RPTOR: variants seen among roughly 807,000 people sequenced by gnomAD.
The protein encoded by RPTOR is regulatory associated protein of MTOR complex 1.
Under a neutral mutation model 169.9 loss-of-function variants are expected in RPTOR, and 21 were observed. That is an observed-to-expected ratio of 0.12 (90% CI 0.09 to 0.18). The LOEUF (loss-of-function observed/expected upper bound fraction) is 0.18, where lower values mean the gene tolerates loss of function less well. Among genes scored for constraint, RPTOR ranks in the 10% least tolerant of loss-of-function variants. The pLI, the probability that RPTOR is intolerant of heterozygous loss-of-function variation, is 1.00. For synonymous variants in RPTOR, 732 were observed against 753.2 expected, an observed-to-expected ratio of 0.97 and a Z score of 0.46; for missense variants, 1,133 against 1,855.9, an observed-to-expected ratio of 0.61 and a Z score of 7.16.
chr17:80,922,955 T>G, intron 22 of RPTOR, 128 bp downstream of exon 22: 1 of 746,408 alleles, frequency 1.3e-6, no homozygotes, highest in Non-Finnish European at 2.2e-6. Context: ...TCCTCCCCCC[T>G]CTCCAGCGGG....
chr17:80,857,933 G>A, intron 13 of RPTOR, 33 bp downstream of exon 13: 1 of 1,542,398 alleles, frequency 6.5e-7, no homozygotes, highest in Non-Finnish European at 9.0e-7. Flanking sequence ...CCAGAGTGAT[G>A]TGAACCTGCC....
chr17:80,960,371 C>A lies in RPTOR; in HGVS notation c.3605+166C>A, dbSNP rs575283667. Among the ~76,000 whole-genome samples the A allele has an allele frequency of 5.3e-5, 8 of 152,238 alleles. No homozygotes were observed. The highest frequency in any genetic ancestry group is 1.2e-4 in the Non-Finnish European group (8 of 68,034). On this transcript the variant is annotated intron_variant, in intron 30 of 33. Coordinates refer to ENST00000306801, the MANE Select transcript of RPTOR (RefSeq NM_020761.3). The surrounding 1 kb of genome is among the most constrained non-coding windows in gnomAD (Gnocchi z 4.8). ...AGGCCAGTCCTGGGCTCCCCAAAGC[C>A]GCCAGGCCCGTCCCACTGAGGCCCA...
chr17:80,727,268 G>T (rs1472955635), intron 4 of RPTOR, among the ~76,000 whole-genome samples: 1 of 147,846 alleles, frequency 6.8e-6, no homozygotes, highest in Non-Finnish European at 1.5e-5. Context: ...ACCACATCAT[G>T]CTCCGAGAAC....
At chr17:80,917,835 G>T (rs56258921) in intron 21 of RPTOR, among the ~76,000 whole-genome samples, 144 of 152,130 alleles carry the variant, frequency 9.5e-4, no homozygotes, top group African/African-American at 3.4e-3. Flanking sequence ...TGAGCTCTAC[G>T]TCCAGCCCCT....
chr17:80,961,318 G>A, intron 30 of RPTOR, 76 bp from the exon 31 acceptor site: 11 of 1,393,832 alleles, frequency 7.9e-6, no homozygotes, highest in Non-Finnish European at 9.7e-6. Flanking sequence ...GACCTGGGCA[G>A]CTCCCGGTGA....
intron 3 of RPTOR, among the ~76,000 whole-genome samples, chr17:80,696,652 G>A (rs1444871227): frequency 6.6e-6 from 1 of 152,210 alleles, no homozygotes; most frequent in Non-Finnish European, 1.5e-5. Flanking sequence ...GGCGCAGAAG[G>A]GACACAGGAA....
chr17:80,613,297 C>G (rs760195614), intron 1 of RPTOR, among the ~76,000 whole-genome samples: 2 of 152,180 alleles, frequency 1.3e-5, no homozygotes, highest in African/African-American at 2.4e-5. Flanking sequence ...CTAAGTCTTT[C>G]CTGGGAGATC....
intron 4 of RPTOR, among the ~76,000 whole-genome samples, chr17:80,729,753 G>C (rs76591660): frequency 0.014 from 2,194 of 152,296 alleles, 54 homozygotes; most frequent in African/African-American, 0.051. Flanking sequence ...AATGATGTGT[G>C]TGTTGTGTTA....
intron 7 of RPTOR, among the ~76,000 whole-genome samples, chr17:80,814,657 G>T (rs1354251890): frequency 6.6e-6 from 1 of 152,174 alleles, no homozygotes; most frequent in East Asian, 1.9e-4. Flanking sequence ...CACCTGTTCT[G>T]TATTCAACGT....
chr17:80,597,656 A>G (rs990994840), intron 1 of RPTOR, among the ~76,000 whole-genome samples: 8 of 138,936 alleles, frequency 5.8e-5, no homozygotes, highest in African/African-American at 8.0e-5. Context: ...AACTACAGGC[A>G]TGTACCTTCA....
At chr17:80,924,683 A>T (rs1169414093) in intron 23 of RPTOR, among the ~76,000 whole-genome samples, 1 of 151,526 alleles carries the variant, frequency 6.6e-6, no homozygotes, top group African/African-American at 2.4e-5. Flanking sequence ...GGGGGGATGC[A>T]CCTCTCACTG....
rs1451920349 is a variant in RPTOR, at chr17:80,959,575, C to T, written c.3478-503C>T. Among the ~76,000 whole-genome samples, 2 of 152,212 alleles carry T rather than the reference C, an allele frequency of 1.3e-5. No homozygotes were observed. The highest frequency in any genetic ancestry group is 2.9e-5 in the Non-Finnish European group (2 of 68,026). On this transcript the variant is annotated intron_variant, in intron 29 of 33. Coordinates refer to ENST00000306801, the MANE Select transcript of RPTOR (RefSeq NM_020761.3). The surrounding 1 kb of genome is among the most constrained non-coding windows in gnomAD (Gnocchi z 6.7). Reference sequence around the variant, plus strand: ...GGTGCCATCGCCCCCGCCCCCGCTTCTCCAGCACTTAGAGCCCCCGAGGGA... The same window carrying T: ...GGTGCCATCGCCCCCGCCCCCGCTTTTCCAGCACTTAGAGCCCCCGAGGGA...
At chr17:80,722,585 A>C (rs2066296356) in intron 4 of RPTOR, among the ~76,000 whole-genome samples, 1 of 151,148 alleles carries the variant, frequency 6.6e-6, no homozygotes, top group Non-Finnish European at 1.5e-5. Context: ...CATGGGATGC[A>C]GCATGTGAAG....
At chr17:80,888,490 T>G (rs905001213) in intron 17 of RPTOR, among the ~76,000 whole-genome samples, 16 of 152,194 alleles carry the variant, frequency 1.1e-4, no homozygotes, top group South Asian at 4.1e-4. Flanking sequence ...AGTGCTGTGT[T>G]GTTGGAGCGG....
At chr17:80,551,924 A>G (rs1232451340) in intron 1 of RPTOR, among the ~76,000 whole-genome samples, 1 of 152,160 alleles carries the variant, frequency 6.6e-6, no homozygotes, top group African/African-American at 2.4e-5. Flanking sequence ...GGGAGTGATG[A>G]TGACTCTTAA....
At chr17:80,751,975 G>A (rs1210625197) in intron 5 of RPTOR, among the ~76,000 whole-genome samples, 2 of 152,216 alleles carry the variant, frequency 1.3e-5, no homozygotes, top group South Asian at 2.1e-4. Flanking sequence ...CATTACAGCC[G>A]AATTATAGGT....
At chr17:80,673,679 C>T (rs936598048) in intron 3 of RPTOR, among the ~76,000 whole-genome samples, 3 of 152,192 alleles carry the variant, frequency 2.0e-5, no homozygotes, top group Non-Finnish European at 4.4e-5. Flanking sequence ...CTGGGAAAGT[C>T]GTGTTTCATT....
At chr17:80,896,379 G>GGCCGCGCCAACACCCCACA (rs1413818828) in intron 20 of RPTOR, among the ~76,000 whole-genome samples, 51 of 99,596 alleles carry the variant, frequency 5.1e-4, no homozygotes, top group African/African-American at 1.8e-3. Context: ...GACACCCCAC[G>GGCCGCGCCAACACCCCACA]CGGCCTCGCT....
intron 24 of RPTOR, among the ~76,000 whole-genome samples, chr17:80,925,767 GATCACTCGAGGCCCATCCCAAGGCCAC>G: frequency 6.6e-6 from 1 of 152,202 alleles, no homozygotes; most frequent in Non-Finnish European, 1.5e-5. Flanking sequence ...TAATGGTGAG[GATCACTCGAGGCCCATCCCAAGGCCAC>G]GCTTGCGTGG....
Sources: gnomAD v4.1 joint callset for allele counts (sites outside exome capture counted in the v4.1 genomes callset) on GRCh38, gnomAD v4.1.1 for gene constraint, Gnocchi (gnomAD v3.1) non-coding constraint, MANE v1.5 for transcripts, NCBI Gene and HGNC (gene_info 2026-07-23, HGNC 2026-07-21) for gene names.